Variants in ITGA11 observed in about 807,000 individuals in gnomAD.
ITGA11 encodes the protein integrin alpha-11.
ITGA11 carries 97 observed loss-of-function variants against 141.9 expected under a neutral mutation model. The observed-to-expected ratio is 0.68, with a 90% CI of 0.58 to 0.81. The LOEUF (loss-of-function observed/expected upper bound fraction) is 0.81, where lower values mean the gene tolerates loss of function less well. ITGA11 is among the 30% of genes least tolerant of loss of function. ITGA11 has a pLI of 0.00. For synonymous variants in ITGA11, 658 were observed against 624.6 expected (o/e 1.05, Z -0.80); for missense variants, 1,387 against 1,559.2 (o/e 0.89, Z 1.86).
rs1893290974 is a variant in ITGA11, at chr15:68,308,980, T to C, written c.3175-1284A>G. On this transcript the variant is annotated intron_variant, in intron 26 of 29. Coordinates refer to ENST00000315757, the MANE Select transcript of ITGA11 (RefSeq NM_001004439.2). This position sits in a 1 kb window ranked among gnomAD's most constrained non-coding sequence, Gnocchi z 5.2. The stretch of plus-strand genomic sequence containing the variant: ...TTGAAAAATTAAAGTTGAGCAAAAT[T>C]TCCGCTTGACGGGTGCCCAATCTGT... Among the ~76,000 whole-genome samples, 1 of 152,194 alleles carries C rather than the reference T, an allele frequency of 6.6e-6. No homozygotes were observed. The highest frequency in any genetic ancestry group is 2.4e-5 in the African/African-American group (1 of 41,436).
chr15:68,313,750 T>A, intron 23 of ITGA11, 29 bp downstream of exon 23: 1 of 1,590,212 alleles, frequency 6.3e-7, no homozygotes, highest in Non-Finnish European at 8.6e-7. Flanking sequence ...ATGCCTTCCC[T>A]CTCCTGGGGC....
At chr15:68,332,701 C>T (rs970247308) in intron 12 of ITGA11, among the ~76,000 whole-genome samples, 6 of 152,178 alleles carry the variant, frequency 3.9e-5, no homozygotes, top group African/African-American at 1.4e-4. Flanking sequence ...TTCCTTCTGT[C>T]ATTATCCCCT....
At chr15:68,405,727 G>A (rs1896636148) in intron 1 of ITGA11, among the ~76,000 whole-genome samples, 1 of 151,480 alleles carries the variant, frequency 6.6e-6, no homozygotes. Context: ...ATGTCACAGA[G>A]GAGAGAGAGA....
At chr15:68,381,295 C>G (rs1306531721) in intron 2 of ITGA11, among the ~76,000 whole-genome samples, 2 of 151,952 alleles carry the variant, frequency 1.3e-5, no homozygotes, top group African/African-American at 4.8e-5. Context: ...CTTTGGGAAC[C>G]CCTGGATTAT....
chr15:68,305,630 G>A lies in ITGA11; in HGVS notation c.3381+1718C>T, dbSNP rs904681235. 3.9e-5 allele frequency among the ~76,000 whole-genome samples: 6 copies of A among 152,052 alleles called. No individual in the cohort carries two copies. The highest frequency in any genetic ancestry group is 8.8e-5 in the Non-Finnish European group (6 of 68,032). On this transcript the variant is annotated intron_variant, in intron 28 of 29. Transcript: ENST00000315757. This position sits in a 1 kb window ranked among gnomAD's most constrained non-coding sequence, Gnocchi z 4.6. ...GCCACTGACTCACTGTTCAACTTGA[G>A]GCAAGTCACTGTCCCTCCTGCCTCA...
intron 2 of ITGA11, among the ~76,000 whole-genome samples, chr15:68,373,451 C>T (rs993169130): frequency 1.3e-5 from 2 of 152,202 alleles, no homozygotes; most frequent in Admixed American, 6.5e-5. Flanking sequence ...GTTGAGAAAT[C>T]GAGTACTTTC....
intron 1 of ITGA11, among the ~76,000 whole-genome samples, chr15:68,404,254 G>A (rs576566132): frequency 6.6e-6 from 1 of 152,224 alleles, no homozygotes; most frequent in Admixed American, 6.5e-5. Context: ...GCCGGCACTG[G>A]GCTCCCCACT....
At chr15:68,429,877 T>C (rs1297158228) in intron 1 of ITGA11, among the ~76,000 whole-genome samples, 3 of 152,188 alleles carry the variant, frequency 2.0e-5, no homozygotes, top group Non-Finnish European at 4.4e-5. Context: ...TCAAATGATA[T>C]CTCCTCCTCC....
intron 2 of ITGA11, among the ~76,000 whole-genome samples, chr15:68,396,830 T>A (rs559803596): frequency 7.1e-6 from 1 of 141,172 alleles, no homozygotes; most frequent in Non-Finnish European, 1.5e-5. Flanking sequence ...AAAATATAAA[T>A]ATATAATATG....
intron 2 of ITGA11, among the ~76,000 whole-genome samples, chr15:68,400,956 TTATA>T (rs1427799619): frequency 8.6e-6 from 1 of 115,614 alleles, no homozygotes; most frequent in Non-Finnish European, 1.7e-5. Flanking sequence ...TATTATAATA[TTATA>T]TATATTTATT....
In ITGA11 at chr15:68,324,997, G is replaced by A; in HGVS notation, c.2322+134C>T. On this transcript the variant is annotated intron_variant, in intron 18 of 29. Coordinates refer to ENST00000315757, the MANE Select transcript of ITGA11 (RefSeq NM_001004439.2). The surrounding 1 kb of genome is among the most constrained non-coding windows in gnomAD (Gnocchi z 6.3). The stretch of plus-strand genomic sequence containing the variant: ...AAGGAGCCACACTGTGGGTTTGCCA[G>A]GACAGGAGGTGGGAAGGTGAGATGA... The A allele has an allele frequency of 2.9e-6, 2 of 697,020 alleles. No individual in the cohort carries two copies. The highest frequency in any genetic ancestry group is 3.3e-5 in the South Asian group (2 of 59,712). 43.2% of individuals were successfully genotyped at this position (697,020 alleles called of 1,614,324 possible).
intron 15 of ITGA11, among the ~76,000 whole-genome samples, chr15:68,329,320 T>TAA (rs1311119027): frequency 6.6e-6 from 1 of 152,012 alleles, no homozygotes; most frequent in Admixed American, 6.5e-5. Flanking sequence ...TTGGGGAGTT[T>TAA]AAAAAAAATT....
Position 68,335,955 on chromosome 15 carries a change from T to C in ITGA11, c.1277-110A>G, listed in dbSNP as rs1894343081. 3 of 1,291,832 alleles carry C rather than the reference T, an allele frequency of 2.3e-6. No individual in the cohort carries two copies. In the South Asian group the frequency reaches 4.2e-5, roughly 18 times the overall value. The allele number at this position is 1,291,832 out of a possible 1,614,324, so 80.0% of individuals were successfully genotyped here. A position where few individuals can be genotyped will look rare whatever the true frequency, so the allele number is the denominator to read the frequency against. ...GAGGATGGGCCAGTGATGGGGTAGG[T>C]TCAGGGCTAGCTGAGCAGATTCAAT... On this transcript the variant is annotated intron_variant, in intron 11 of 29. Coordinates refer to ENST00000315757, the MANE Select transcript of ITGA11 (RefSeq NM_001004439.2). This position sits in a 1 kb window ranked among gnomAD's most constrained non-coding sequence, Gnocchi z 4.9.
Position 68,333,663 on chromosome 15 carries a change from C to T in ITGA11, c.1426-1185G>A, listed in dbSNP as rs915134877. Among the ~76,000 whole-genome samples the T allele has an allele frequency of 3.2e-4, 48 of 152,296 alleles. No homozygotes were observed. The highest frequency in any genetic ancestry group is 1.9e-3 in the South Asian group (9 of 4,828). On this transcript the variant is annotated intron_variant, in intron 12 of 29. Coordinates refer to ENST00000315757, the MANE Select transcript of ITGA11 (RefSeq NM_001004439.2). The surrounding 1 kb of genome is among the most constrained non-coding windows in gnomAD (Gnocchi z 4.2). ...CCCCCTGCTTCGTCCCTAGGTGAGGCGCCTTCTAAAGGGCCTTCCAGCCTC... is the reference window on the plus strand; with the variant it reads ...CCCCCTGCTTCGTCCCTAGGTGAGGTGCCTTCTAAAGGGCCTTCCAGCCTC...
rs1894903680 is a variant in ITGA11 at position 68,351,274 on chromosome 15, G to A, written c.878C>T (p.Thr293Ile). The change falls in exon 8 of 30, where the codon ACA becomes ATA. Residue 293 changes from threonine to isoleucine, a missense_variant. Thr to Ile is a moderately conservative substitution (Grantham distance 89). Transcript: ENST00000315757. ...VIQQSERDNV[T>I]RYAVAVLGYY... ...AGGACTTACGGCCACCGCATATCTT[G>A]TTACGTTGTCTCTTTCGCTTTGCTG... 1.2e-6 allele frequency: 2 copies of A among 1,613,896 alleles called. No homozygotes were observed. Among genetic ancestry groups the A allele is most frequent in the African/African-American group, 1.3e-5 (1 of 74,924 alleles).
chr15:68,398,293 A>G (rs1896373094), intron 2 of ITGA11, among the ~76,000 whole-genome samples: 1 of 151,990 alleles, frequency 6.6e-6, no homozygotes, highest in Admixed American at 6.6e-5. Flanking sequence ...CTCAAAATAA[A>G]AGGATGGAGG....
chr15:68,421,851 G>A (rs1004008992), intron 1 of ITGA11, among the ~76,000 whole-genome samples: 31 of 152,140 alleles, frequency 2.0e-4, no homozygotes, highest in Admixed American at 1.1e-3. Flanking sequence ...AGTTAAGAGC[G>A]GTGATACTCC....
intron 2 of ITGA11, among the ~76,000 whole-genome samples, chr15:68,383,309 C>T (rs956692504): frequency 5.3e-5 from 8 of 151,856 alleles, no homozygotes; most frequent in Admixed American, 5.2e-4. Flanking sequence ...TCCCAAGGAG[C>T]CCTTGATTCC....
rs1893157548 is a variant in ITGA11 at position 68,305,337 on chromosome 15, C to G, written c.3382-1452G>C. On this transcript the variant is annotated intron_variant, in intron 28 of 29. Transcript: ENST00000315757. This position sits in a 1 kb window ranked among gnomAD's most constrained non-coding sequence, Gnocchi z 4.6. Reference sequence around the variant, plus strand: ...TATAAAACAGCACCCCCTGGCACTCCACCCTTAGATGTGTGCCTTTTTCTG... The same window carrying G: ...TATAAAACAGCACCCCCTGGCACTCGACCCTTAGATGTGTGCCTTTTTCTG... Among the ~76,000 whole-genome samples, 1 of 152,246 alleles carries G rather than the reference C, an allele frequency of 6.6e-6. No homozygotes were observed. Among genetic ancestry groups the G allele is most frequent in the Non-Finnish European group, 1.5e-5 (1 of 68,044 alleles).
Sources: gnomAD v4.1 joint callset for allele counts (sites outside exome capture counted in the v4.1 genomes callset) on GRCh38, gnomAD v4.1.1 for gene constraint, Gnocchi (gnomAD v3.1) non-coding constraint, MANE v1.5 for transcripts, NCBI Gene and HGNC (gene_info 2026-07-23, HGNC 2026-07-21) for gene names.